Variants in PPP2R5E observed in about 807,000 individuals in gnomAD.
The protein encoded by PPP2R5E is serine/threonine-protein phosphatase 2A 56 kDa regulatory subunit epsilon isoform.
PPP2R5E carries 4 observed loss-of-function variants against 65.3 expected under a neutral mutation model. The ratio of observed to expected loss-of-function variants is 0.06; its 90% CI spans 0.03 to 0.14. PPP2R5E has a LOEUF of 0.14. Ranked by LOEUF, PPP2R5E falls within the 10% of genes least tolerant of loss-of-function variation. The probability of loss-of-function intolerance (pLI) is 1.00; values close to 1 mark genes in which losing one functional copy is unlikely to be tolerated. For missense variants in PPP2R5E, 274 were observed against 556.1 expected, an observed-to-expected ratio of 0.49 and a Z score of 5.10; for synonymous variants, 183 against 187.4, an observed-to-expected ratio of 0.98 and a Z score of 0.19.
chr14:63,469,020 G>C (rs1160554935), intron 2 of PPP2R5E, among the ~76,000 whole-genome samples: 1 of 152,120 alleles, frequency 6.6e-6, no homozygotes, highest in Admixed American at 6.5e-5. Flanking sequence ...TATGATAGGT[G>C]GTTTCAACCT....
intron 3 of PPP2R5E, among the ~76,000 whole-genome samples, chr14:63,448,157 C>T (rs1284048635): frequency 1.3e-5 from 2 of 151,838 alleles, no homozygotes; most frequent in South Asian, 2.1e-4. Flanking sequence ...ATTAGCCAGG[C>T]GTGGTGGCGG....
chr14:63,441,196 T>C (rs1335136962), intron 3 of PPP2R5E, among the ~76,000 whole-genome samples: 1 of 147,322 alleles, frequency 6.8e-6, no homozygotes, highest in Non-Finnish European at 1.5e-5. Context: ...ATACGGGTGC[T>C]GGCCATCTTC....
intron 2 of PPP2R5E, among the ~76,000 whole-genome samples, chr14:63,504,792 G>T (rs757915968): frequency 1.6e-4 from 24 of 151,672 alleles, no homozygotes; most frequent in Non-Finnish European, 2.9e-4. Context: ...CATAAAATAT[G>T]TGTTCAGTAA....
chr14:63,514,003 C>T lies in PPP2R5E; in HGVS notation c.157+25526G>A, dbSNP rs529056943. Among the ~76,000 whole-genome samples, 19 of 152,332 alleles carry T rather than the reference C, an allele frequency of 1.2e-4. 2 individuals carry two copies. In the South Asian group the frequency reaches 3.9e-3, roughly 32 times the overall value. On this transcript the variant is annotated intron_variant, in intron 2 of 13. Transcript: ENST00000337537. Reference sequence around the variant, plus strand: ...TTTCTACGGCATATTTCAAGGAGAGCTGCAAAGTGTCAGGTTAATGCCAGC... The same window carrying T: ...TTTCTACGGCATATTTCAAGGAGAGTTGCAAAGTGTCAGGTTAATGCCAGC...
intron 7 of PPP2R5E, 66 bp downstream of exon 7, chr14:63,395,160 G>T: frequency 7.4e-7 from 1 of 1,359,276 alleles, no homozygotes; most frequent in Non-Finnish European, 1.0e-6. Flanking sequence ...ATCTCTTGGT[G>T]CCACCTGAAC....
At chr14:63,521,909 CTGAAG>C (rs1297672613) in intron 2 of PPP2R5E, among the ~76,000 whole-genome samples, 1 of 151,894 alleles carries the variant, frequency 6.6e-6, no homozygotes, top group African/African-American at 2.4e-5. Context: ...CAACCAGAGG[CTGAAG>C]TGAAGTTACA....
intron 12 of PPP2R5E, among the ~76,000 whole-genome samples, chr14:63,383,395 T>A (rs1348845168): frequency 6.6e-6 from 1 of 152,232 alleles, no homozygotes; most frequent in Non-Finnish European, 1.5e-5. Context: ...AAGGAAAATT[T>A]AAGTTCTTTT....
At chr14:63,527,099 G>A (rs1401107473) in intron 2 of PPP2R5E, among the ~76,000 whole-genome samples, 1 of 152,176 alleles carries the variant, frequency 6.6e-6, no homozygotes, top group Non-Finnish European at 1.5e-5. Context: ...AACCCAGGAG[G>A]TGGGGGTTGC....
In PPP2R5E at chr14:63,543,176, G is replaced by A; in HGVS notation, c.-405C>T. ...CGACGTGGGGAGGGGGGGAAGGGAG[G>A]GAGGAAGACTGGATCTGCAGCGGCA... On this transcript the variant is annotated 5_prime_UTR_variant, in exon 1 of 14. Transcript: ENST00000337537. 1 of 153,418 alleles carries A rather than the reference G, an allele frequency of 6.5e-6. No homozygotes were observed. Among genetic ancestry groups the A allele is most frequent in the Non-Finnish European group, 1.5e-5 (1 of 68,822 alleles). The allele number at this position is 153,418 out of a possible 1,614,324, so 9.5% of individuals were successfully genotyped here.
intron 2 of PPP2R5E, among the ~76,000 whole-genome samples, chr14:63,507,468 G>A (rs984988959): frequency 1.3e-5 from 2 of 149,638 alleles, no homozygotes; most frequent in Non-Finnish European, 3.0e-5. Flanking sequence ...AAATACCAGC[G>A]TTTAGAACGA....
chr14:63,510,210 G>A (rs1892393339), intron 2 of PPP2R5E, among the ~76,000 whole-genome samples: 1 of 152,146 alleles, frequency 6.6e-6, no homozygotes, highest in African/African-American at 2.4e-5. Flanking sequence ...GAGAAAACCA[G>A]CTGCCTCCAG....
chr14:63,443,820 A>C (rs1888351397), intron 3 of PPP2R5E, among the ~76,000 whole-genome samples: 2 of 152,158 alleles, frequency 1.3e-5, no homozygotes, highest in South Asian at 4.1e-4. Flanking sequence ...TTCCTCTCTC[A>C]CACTCCAAAA....
intron 2 of PPP2R5E, among the ~76,000 whole-genome samples, chr14:63,461,677 G>C (rs1419534596): frequency 6.6e-6 from 1 of 151,618 alleles, no homozygotes. Context: ...GGTGGCGTGT[G>C]CCTGTAGTCC....
chr14:63,466,542 C>CA (rs1412647665), intron 2 of PPP2R5E, among the ~76,000 whole-genome samples: 1 of 152,206 alleles, frequency 6.6e-6, no homozygotes. Flanking sequence ...GAAGCTCTCC[C>CA]ATGCTTCATA....
intron 2 of PPP2R5E, among the ~76,000 whole-genome samples, chr14:63,498,182 G>GT (rs1256100885): frequency 1.3e-5 from 2 of 152,028 alleles, no homozygotes. Context: ...TAAAATGTTT[G>GT]TTTTTTTCTT....
intron 2 of PPP2R5E, among the ~76,000 whole-genome samples, chr14:63,475,251 CTT>C (rs1890350334): frequency 6.6e-6 from 1 of 152,266 alleles, no homozygotes; most frequent in South Asian, 2.1e-4. Context: ...ATTTCACTCT[CTT>C]CTCTGTTGGG....
rs1378943958 is a variant in PPP2R5E, at chr14:63,373,422, CAT to C, written c.*2585_*2586del. The C allele has an allele frequency of 6.6e-6, 1 of 152,204 alleles. No homozygotes were observed. The highest frequency in any genetic ancestry group is 2.4e-5 in the African/African-American group (1 of 41,448). The allele number at this position is 152,204 out of a possible 1,614,324, so 9.4% of individuals were successfully genotyped here. ...AGCAAGTACGTCCTGAAATATGTCACATAGTGCAACAGTCAGATTACCTCAGT... is the reference window on the plus strand; with the variant it reads ...AGCAAGTACGTCCTGAAATATGTCACAGTGCAACAGTCAGATTACCTCAGT... On this transcript the variant is annotated 3_prime_UTR_variant, in exon 14 of 14. Coordinates refer to ENST00000337537, the MANE Select transcript of PPP2R5E (RefSeq NM_006246.5).
chr14:63,480,105 A>T (rs1290036922), intron 2 of PPP2R5E, among the ~76,000 whole-genome samples: 1 of 152,060 alleles, frequency 6.6e-6, no homozygotes, highest in Non-Finnish European at 1.5e-5. Flanking sequence ...TACCAATCTT[A>T]CTCCACAGAT....
intron 2 of PPP2R5E, among the ~76,000 whole-genome samples, chr14:63,461,807 A>G (rs1889480409): frequency 6.6e-6 from 1 of 150,862 alleles, no homozygotes; most frequent in Non-Finnish European, 1.5e-5. Flanking sequence ...AAAGATATAA[A>G]TAAAAATAAA....
Sources: gnomAD v4.1 joint callset for allele counts (sites outside exome capture counted in the v4.1 genomes callset) on GRCh38, gnomAD v4.1.1 for gene constraint, MANE v1.5 for transcripts, NCBI Gene and HGNC (gene_info 2026-07-23, HGNC 2026-07-21) for gene names.